The following PRR14L variants were observed in gnomAD, a reference collection of about 807,000 sequenced individuals.
PRR14L encodes the protein protein PRR14L.
Under a neutral mutation model 155.0 loss-of-function variants are expected in PRR14L, and 80 were observed. The ratio of observed to expected loss-of-function variants is 0.52; its 90% CI spans 0.43 to 0.62. PRR14L has a LOEUF of 0.62. Ranked by LOEUF, PRR14L falls within the 20% of genes least tolerant of loss-of-function variation. The pLI is 0.00. For synonymous variants in PRR14L, 883 were observed against 916.0 expected (o/e 0.96, Z 0.65); for missense variants, 2,469 against 2,548.0 (o/e 0.97, Z 0.67).
chr22:31,686,397 C>T (rs1236819854), intron 8 of PRR14L, among the ~76,000 whole-genome samples: 1 of 151,476 alleles, frequency 6.6e-6, no homozygotes, highest in Non-Finnish European at 1.5e-5. Context: ...TGAGCCACTG[C>T]ACCCAGCCCT....
At chr22:31,699,090 G>A (rs1667272910) in intron 7 of PRR14L, among the ~76,000 whole-genome samples, 1 of 152,072 alleles carries the variant, frequency 6.6e-6, no homozygotes, top group African/African-American at 2.4e-5. Flanking sequence ...AGGCTGGAGT[G>A]CAGTGCCGCG....
Position 31,682,392 on chromosome 22 carries a change from G to A in PRR14L, c.*3135C>T, listed in dbSNP as rs2074459098. 1 of 133,772 alleles carries A rather than the reference G, an allele frequency of 7.5e-6. No homozygotes were observed. The highest frequency in any genetic ancestry group is 1.5e-5 in the Non-Finnish European group (1 of 64,862). The allele number at this position is 133,772 out of a possible 1,614,324, so 8.3% of individuals were successfully genotyped here. Reference sequence around the variant, plus strand: ...TCCTCAGGCTCCGAATAAGGCAAACGCTACATGTCTTCACCGTACCTCCCT... The same window carrying A: ...TCCTCAGGCTCCGAATAAGGCAAACACTACATGTCTTCACCGTACCTCCCT... On this transcript the variant is annotated 3_prime_UTR_variant, in exon 9 of 9. Transcript: ENST00000327423.
In PRR14L at chr22:31,713,927, C is replaced by A; in HGVS notation, c.3912G>T (p.Val1304=). 1 of 1,551,806 alleles carries A rather than the reference C, an allele frequency of 6.4e-7. No homozygotes were observed. Among genetic ancestry groups the A allele is most frequent in the Non-Finnish European group, 8.7e-7 (1 of 1,147,002 alleles). Reference sequence around the variant, plus strand: ...GACAAGCTTTGCAAGCATTCTTTTCCACACAGGTACATACGCTGTCTCTGT... The same window carrying A: ...GACAAGCTTTGCAAGCATTCTTTTCAACACAGGTACATACGCTGTCTCTGT... The part of the protein sequence containing the change: ...SSDRDSVCTC[V]EKNACKACHP... The change falls in exon 4 of 9, where the codon GTG becomes GTT. Residue 1304 remains valine (V), a synonymous_variant. Coordinates refer to ENST00000327423, the MANE Select transcript of PRR14L (RefSeq NM_173566.3).
chr22:31,706,072 T>C (rs1232619535), intron 4 of PRR14L, among the ~76,000 whole-genome samples: 2 of 151,528 alleles, frequency 1.3e-5, no homozygotes, highest in African/African-American at 4.8e-5. Flanking sequence ...GACTCACACC[T>C]GTAATCCCAG....
chr22:31,722,292 C>A (rs1406891883), intron 3 of PRR14L, among the ~76,000 whole-genome samples: 1 of 151,320 alleles, frequency 6.6e-6, no homozygotes, highest in African/African-American at 2.4e-5. Context: ...ATCAGCCGGG[C>A]ATGGTGGCAC....
chr22:31,701,656 C>T lies in PRR14L; in HGVS notation c.6107G>A (p.Arg2036Lys). The T allele has an allele frequency of 6.3e-7, 1 of 1,598,366 alleles. No individual in the cohort carries two copies. Among genetic ancestry groups the T allele is most frequent in the Non-Finnish European group, 8.5e-7 (1 of 1,172,398 alleles). ...AGCTTGTAACAGAGAAGGAGCTCAC[C>T]TTTTGGGTCGAGGAAGGCCCATGGG... is the stretch of plus-strand genomic sequence containing the variant. ...LTPMGLPRPK[R>K]LKKKEFSLEE... Residue 2036 changes from arginine to lysine, a missense_variant and splice_region_variant, in exon 7 of 9, where the codon AGG (arginine) becomes AAG (lysine). Around this residue, in one of 2 missense-constraint regions of PRR14L, gnomAD observed 106 missense variants for 176.4 expected, o/e 0.60. Transcript: ENST00000327423.
chr22:31,685,619 G>C lies in PRR14L; in HGVS notation c.6364C>G (p.Arg2122Gly), dbSNP rs1307668028. The C allele has an allele frequency of 3.9e-6, 6 of 1,551,682 alleles. No individual in the cohort carries two copies. The highest frequency in any genetic ancestry group is 5.2e-6 in the Non-Finnish European group (6 of 1,146,850). The part of the protein sequence containing the change: ...TRAQKAAVQS[R>G]ELDALLIQKL... Reference sequence around the variant, plus strand: ...TGTATCAAAAGAGCATCCAGCTCTCGACTCTGCACAGCTGCCTTCTGGGCC... The same window carrying C: ...TGTATCAAAAGAGCATCCAGCTCTCCACTCTGCACAGCTGCCTTCTGGGCC... Residue 2122 changes from arginine (R) to glycine (G), a missense_variant, in exon 9 of 9, where the codon CGA becomes GGA. Around this residue, in one of 2 missense-constraint regions of PRR14L, gnomAD observed 106 missense variants for 176.4 expected, o/e 0.60. Transcript: ENST00000327423.
chr22:31,717,995 T>C (rs528213417), intron 3 of PRR14L, among the ~76,000 whole-genome samples: 1 of 150,924 alleles, frequency 6.6e-6, no homozygotes, highest in East Asian at 2.0e-4. Context: ...TGGCACGATA[T>C]TGGCTCACTG....
chr22:31,692,908 T>G (rs557175138), intron 7 of PRR14L, among the ~76,000 whole-genome samples: 34 of 151,988 alleles, frequency 2.2e-4, no homozygotes, highest in Non-Finnish European at 4.3e-4. Context: ...CCAAAGTGCT[T>G]GGATTACAGG....
chr22:31,706,442 T>TTTTTTTTTTTTTTG (rs1238688535), intron 4 of PRR14L, among the ~76,000 whole-genome samples: 4 of 151,436 alleles, frequency 2.6e-5, no homozygotes, highest in Admixed American at 6.6e-5. Context: ...TTCTTTTTTT[T>TTTTTTTTTTTTTTG]GAGACGGAGT....
chr22:31,727,912 G>T (rs545197085), intron 2 of PRR14L, among the ~76,000 whole-genome samples: 2 of 151,876 alleles, frequency 1.3e-5, no homozygotes, highest in South Asian at 4.2e-4. Context: ...AACCCAGGAG[G>T]AGGCTGCAGT....
chr22:31,704,545 C>CA, intron 5 of PRR14L, 110 bp downstream of exon 5: 1 of 722,896 alleles, frequency 1.4e-6, no homozygotes, highest in Non-Finnish European at 2.3e-6. Flanking sequence ...TTTACAAGGA[C>CA]AAGAGGTCAA....
rs1182024039 is a variant in PRR14L, at chr22:31,684,873, G to C, written c.*654C>G. 3 of 152,160 alleles carry C rather than the reference G, an allele frequency of 2.0e-5. No individual in the cohort carries two copies. In the East Asian group the frequency reaches 5.8e-4, roughly 29 times the overall value. 9.4% of individuals were successfully genotyped at this position (152,160 alleles called of 1,614,324 possible). ...AATCCACACCACAACATTAAAAAGT[G>C]CAACTTACTTCGAATGGGGCCTGGA... On this transcript the variant is annotated 3_prime_UTR_variant, in exon 9 of 9. Coordinates refer to ENST00000327423, the MANE Select transcript of PRR14L (RefSeq NM_173566.3).
chr22:31,712,757 T>C lies in PRR14L; in HGVS notation c.5082A>G (p.Glu1694=). The change falls in exon 4 of 9, where the codon GAA becomes GAG. Residue 1694 remains glutamate, a synonymous_variant. Transcript: ENST00000327423. ...AATCTATGAAGGTCATCTTGATGGA[T>C]TCGAGAGAATAAAGTGCCATGGGCT... ...NSKPMALYSL[E]SIKMTFIDLS... The C allele has an allele frequency of 1.3e-6, 2 of 1,551,848 alleles. No homozygotes were observed. Among genetic ancestry groups the C allele is most frequent in the Non-Finnish European group, 1.7e-6 (2 of 1,147,034 alleles).
intron 2 of PRR14L, among the ~76,000 whole-genome samples, chr22:31,729,403 G>A (rs756856380): frequency 2.0e-5 from 3 of 151,950 alleles, no homozygotes; most frequent in African/African-American, 7.3e-5. Flanking sequence ...ATTTTTAGGC[G>A]AGATGGGGTT....
chr22:31,749,398 T>G (rs2074859369), intron 1 of PRR14L, among the ~76,000 whole-genome samples: 1 of 152,026 alleles, frequency 6.6e-6, no homozygotes, highest in African/African-American at 2.4e-5. Flanking sequence ...TACCATAAAG[T>G]AAAATTTCAA....
chr22:31,719,549 G>A (rs956910141), intron 3 of PRR14L, among the ~76,000 whole-genome samples: 1 of 152,070 alleles, frequency 6.6e-6, no homozygotes, highest in African/African-American at 2.4e-5. Flanking sequence ...AAAAGCACAA[G>A]AGCACTTAAT....
chr22:31,737,830 T>C (rs1454383589), intron 2 of PRR14L, among the ~76,000 whole-genome samples: 1 of 151,876 alleles, frequency 6.6e-6, no homozygotes, highest in Admixed American at 6.6e-5. Flanking sequence ...CTGGCCAACA[T>C]GACGAAACCC....
chr22:31,715,952 G>A lies in PRR14L; in HGVS notation c.1887C>T (p.Ala629=). 1 of 1,551,734 alleles carries A rather than the reference G, an allele frequency of 6.4e-7. No individual in the cohort carries two copies. Among genetic ancestry groups the A allele is most frequent in the Non-Finnish European group, 8.7e-7 (1 of 1,146,956 alleles). The change falls in exon 4 of 9, where the codon GCC becomes GCT. Residue 629 remains alanine, a synonymous_variant. Coordinates refer to ENST00000327423, the MANE Select transcript of PRR14L (RefSeq NM_173566.3). ...TACAAGAAAGTTCATTCATCTCACA[G>A]GCTATGCTCTGTTCATCTAAAAGTG... ...DIPLLDEQSI[A]CEMNELSCTN...
Sources: allele counts gnomAD v4.1 joint callset (sites outside exome capture counted in the v4.1 genomes callset), GRCh38; gene constraint gnomAD v4.1.1; regional missense constraint gnomAD v4.1.1; transcripts MANE v1.5; gene names NCBI Gene and HGNC (gene_info 2026-07-23, HGNC 2026-07-21).